The following MTSS1 variants were observed in gnomAD, a reference collection of about 807,000 sequenced individuals.
The protein encoded by MTSS1 is MTSS I-BAR domain containing 1.
A neutral mutation model predicts 79.0 loss-of-function variants in MTSS1; 18 were observed. The observed-to-expected ratio is 0.23, with a 90% CI of 0.16 to 0.34. The LOEUF (loss-of-function observed/expected upper bound fraction) is 0.34. Among genes scored for constraint, MTSS1 ranks in the 10% least tolerant of loss-of-function variants. The probability of loss-of-function intolerance (pLI) is 1.00; values close to 1 mark genes in which losing one functional copy is unlikely to be tolerated. For missense variants in MTSS1, 815 were observed against 986.2 expected, an observed-to-expected ratio of 0.83 and a Z score of 2.33; for synonymous variants, 341 against 368.6, an observed-to-expected ratio of 0.93 and a Z score of 0.86.
At chr8:124,707,620 A>G (rs1179698073) in intron 1 of MTSS1, among the ~76,000 whole-genome samples, 1 of 152,018 alleles carries the variant, frequency 6.6e-6, no homozygotes, top group Non-Finnish European at 1.5e-5. Context: ...GAAGCAGAGA[A>G]TTGCTTGAAC....
intron 3 of MTSS1, among the ~76,000 whole-genome samples, chr8:124,596,565 T>C (rs894802169): frequency 5.3e-5 from 8 of 152,196 alleles, no homozygotes; most frequent in Non-Finnish European, 1.0e-4. Flanking sequence ...ATTTTGCATA[T>C]GAAGACACAC....
chr8:124,692,161 C>G (rs1828043979), intron 3 of MTSS1, among the ~76,000 whole-genome samples: 1 of 151,540 alleles, frequency 6.6e-6, no homozygotes, highest in African/African-American at 2.4e-5. Context: ...TCCCGAGTAG[C>G]TGGAATTAGA....
intron 3 of MTSS1, among the ~76,000 whole-genome samples, chr8:124,603,161 G>T (rs1167470427): frequency 6.6e-6 from 1 of 152,236 alleles, no homozygotes; most frequent in African/African-American, 2.4e-5. Context: ...AAGTATCTGG[G>T]ATTACAGGCG....
intron 1 of MTSS1, among the ~76,000 whole-genome samples, chr8:124,719,398 C>G (rs1832588468): frequency 1.3e-5 from 2 of 152,180 alleles, no homozygotes; most frequent in Non-Finnish European, 2.9e-5. Context: ...CAAAAGCCTT[C>G]CTGGACTCTG....
intron 3 of MTSS1, among the ~76,000 whole-genome samples, chr8:124,650,909 G>A (rs938874630): frequency 6.6e-5 from 10 of 152,196 alleles, no homozygotes; most frequent in Non-Finnish European, 1.2e-4. Context: ...TGTTGACCTT[G>A]AGGACATCAG....
Position 124,553,366 on chromosome 8 carries a change from C to G in MTSS1, c.1894G>C (p.Ala632Pro), listed in dbSNP as rs150324758. Residue 632 changes from alanine (A) to proline (P), a missense_variant, in exon 14 of 14, where the codon GCC becomes CCC. By Grantham distance (27) the Ala-to-Pro change is conservative. Transcript: ENST00000518547. The surrounding 1 kb of genome is among the most constrained non-coding windows in gnomAD (Gnocchi z 6.0). ...CGCTCTTCTGGCCCATCTGGAGGGG[C>G]TGGCAACACCCCTGGGAGGTCTGGG... ...TVPDLPGVLP[A>P]PPDGPEERGE... 3.4e-4 allele frequency: 554 copies of G among 1,611,616 alleles called. 2 individuals are homozygous for G. Among genetic ancestry groups the G allele is most frequent in the Non-Finnish European group, 3.3e-4 (391 of 1,178,142 alleles).
intron 3 of MTSS1, among the ~76,000 whole-genome samples, chr8:124,629,624 T>C (rs936353245): frequency 6.6e-6 from 1 of 151,858 alleles, no homozygotes; most frequent in Non-Finnish European, 1.5e-5. Context: ...AAAACAGACC[T>C]GAAACACGAG....
chr8:124,639,556 C>T (rs987706193), intron 3 of MTSS1, among the ~76,000 whole-genome samples: 3 of 151,976 alleles, frequency 2.0e-5, no homozygotes, highest in South Asian at 2.1e-4. Flanking sequence ...GGCTCACTCC[C>T]GTATTCAAGT....
At chr8:124,651,546 G>C (rs1309170540) in intron 3 of MTSS1, among the ~76,000 whole-genome samples, 1 of 151,920 alleles carries the variant, frequency 6.6e-6, no homozygotes, top group Non-Finnish European at 1.5e-5. Context: ...TCTAAATAAA[G>C]GCTGGGGACA....
Position 124,617,745 on chromosome 8 carries a change from A to G in MTSS1, c.209-26510T>C, listed in dbSNP as rs1337236436. ...AGCTCAGTGACCTCAGAGATCCAAG[A>G]AAGTCACTTGGCAAAATTTACCACC... On this transcript the variant is annotated intron_variant, in intron 3 of 13. Transcript: ENST00000518547. Among the ~76,000 whole-genome samples the G allele has an allele frequency of 2.0e-5, 3 of 152,302 alleles. No homozygotes were observed. The South Asian group carries it at 6.2e-4, about 32-fold the overall frequency.
At chr8:124,603,892 C>T (rs1186837701) in intron 3 of MTSS1, among the ~76,000 whole-genome samples, 2 of 152,188 alleles carry the variant, frequency 1.3e-5, no homozygotes, top group Non-Finnish European at 2.9e-5. Flanking sequence ...AATCTTTTGG[C>T]TTCTCTGGGC....
chr8:124,696,551 G>C (rs1320345523), intron 3 of MTSS1, among the ~76,000 whole-genome samples: 1 of 151,968 alleles, frequency 6.6e-6, no homozygotes, highest in Non-Finnish European at 1.5e-5. Flanking sequence ...AAATCCCATG[G>C]TCTAAAAATA....
At chr8:124,595,798 A>T (rs1048767432) in intron 3 of MTSS1, among the ~76,000 whole-genome samples, 4 of 152,042 alleles carry the variant, frequency 2.6e-5, no homozygotes, top group Non-Finnish European at 4.4e-5. Context: ...GAATCTGGAG[A>T]GTGTGGCAGG....
chr8:124,613,520 AG>A (rs1836264892), intron 3 of MTSS1, among the ~76,000 whole-genome samples: 1 of 152,220 alleles, frequency 6.6e-6, no homozygotes, highest in African/African-American at 2.4e-5. Context: ...AATGTATTTG[AG>A]TTTCCTGTTT....
chr8:124,646,839 T>G (rs1019354992), intron 3 of MTSS1, among the ~76,000 whole-genome samples: 2 of 152,066 alleles, frequency 1.3e-5, no homozygotes, highest in Admixed American at 6.6e-5. Flanking sequence ...TCTCTCTCTC[T>G]GACAGTCTTC....
At chr8:124,652,624 G>A (rs1049073802) in intron 3 of MTSS1, among the ~76,000 whole-genome samples, 9 of 151,378 alleles carry the variant, frequency 5.9e-5, no homozygotes, top group South Asian at 2.1e-4. Context: ...GTGAAACCCC[G>A]TCTCTACTAA....
intron 3 of MTSS1, among the ~76,000 whole-genome samples, chr8:124,690,635 A>G (rs893995118): frequency 1.5e-4 from 23 of 152,338 alleles, no homozygotes; most frequent in Middle Eastern, 3.4e-3. Context: ...GATCAATAAT[A>G]AAAGGCCACT....
Position 124,727,533 on chromosome 8 carries a change from C to T in MTSS1, c.72+351G>A, listed in dbSNP as rs1306772405. On this transcript the variant is annotated intron_variant, in intron 1 of 13. Transcript: ENST00000518547. This position sits in a 1 kb window ranked among gnomAD's most constrained non-coding sequence, Gnocchi z 4.7. ...AGGAATCAGGTGTCCTCCCGGGCAT[C>T]CAGCCCCCGCGGGTCCCAGACACTT... The T allele has an allele frequency of 2.1e-6, 1 of 478,568 alleles. No homozygotes were observed. Among genetic ancestry groups the T allele is most frequent in the Admixed American group, 2.3e-5 (1 of 43,064 alleles). The allele number at this position is 478,568 out of a possible 1,614,324, so 29.6% of individuals were successfully genotyped here.
At chr8:124,669,920 C>T (rs1048727054) in intron 3 of MTSS1, among the ~76,000 whole-genome samples, 2 of 152,180 alleles carry the variant, frequency 1.3e-5, no homozygotes, top group Admixed American at 6.5e-5. Flanking sequence ...TCTGCAAGCA[C>T]AGGCTATTTT....
Sources: gnomAD v4.1 joint callset for allele counts (sites outside exome capture counted in the v4.1 genomes callset) on GRCh38, gnomAD v4.1.1 for gene constraint, Gnocchi (gnomAD v3.1) non-coding constraint, MANE v1.5 for transcripts, NCBI Gene and HGNC (gene_info 2026-07-23, HGNC 2026-07-21) for gene names.